The following ROBO2 variants were observed in gnomAD, a reference collection of about 807,000 sequenced individuals.
ROBO2 encodes the protein roundabout homolog 2.
A neutral mutation model predicts 160.8 loss-of-function variants in ROBO2; 53 were observed. The ratio of observed to expected loss-of-function variants is 0.33; its 90% CI spans 0.26 to 0.41. ROBO2 has a LOEUF of 0.41. Ranked by LOEUF, ROBO2 falls within the 10% of genes least tolerant of loss-of-function variation. The pLI is 1.00. For missense variants in ROBO2, 1,577 were observed against 1,722.4 expected (o/e 0.92, Z 1.49); for synonymous variants, 664 against 611.7 (o/e 1.09, Z -1.26).
chr3:76,957,698 G>A (rs2079369836), intron 2 of ROBO2, among the ~76,000 whole-genome samples: 2 of 151,948 alleles, frequency 1.3e-5, no homozygotes, highest in South Asian at 4.1e-4. Context: ...TGGCGTGGTG[G>A]CACGTGTCTG....
intron 1 of ROBO2, among the ~76,000 whole-genome samples, chr3:75,913,896 C>A (rs1455923535): frequency 1.3e-5 from 2 of 152,056 alleles, no homozygotes; most frequent in Admixed American, 6.6e-5. Flanking sequence ...AATATTTTAT[C>A]TCATGAGTTA....
chr3:77,198,960 A>T (rs2082565209), intron 2 of ROBO2, among the ~76,000 whole-genome samples: 1 of 152,170 alleles, frequency 6.6e-6, no homozygotes, highest in Non-Finnish European at 1.5e-5. Flanking sequence ...ATTTTGTAAA[A>T]ATATGCTCTA....
intron 2 of ROBO2, among the ~76,000 whole-genome samples, chr3:77,405,250 A>T (rs1229170529): frequency 6.6e-6 from 1 of 152,204 alleles, no homozygotes; most frequent in Non-Finnish European, 1.5e-5. Flanking sequence ...TGAATGTTGC[A>T]CTGATATTTA....
chr3:77,103,945 C>T (rs1037157419), intron 2 of ROBO2, among the ~76,000 whole-genome samples: 1 of 151,988 alleles, frequency 6.6e-6, no homozygotes, highest in African/African-American at 2.4e-5. Context: ...TTTATTTTGG[C>T]TGTAAATGCA....
intron 2 of ROBO2, among the ~76,000 whole-genome samples, chr3:76,949,002 C>T (rs1315449717): frequency 2.7e-5 from 4 of 146,670 alleles, no homozygotes; most frequent in Middle Eastern, 3.6e-3. Context: ...CCACCCGCCT[C>T]GGCCTCCCAA....
chr3:76,164,861 G>A (rs1037534021), intron 2 of ROBO2, among the ~76,000 whole-genome samples: 2 of 34,720 alleles, frequency 5.8e-5, no homozygotes, highest in Non-Finnish European at 1.7e-4. Context: ...GGCCTGGCTG[G>A]GACTGCCCCG....
In ROBO2 at chr3:76,615,705, T is replaced by G. The variant is rs529843012; in HGVS notation, c.110-482309T>G. Among the ~76,000 whole-genome samples the G allele has an allele frequency of 1.4e-4, 21 of 152,324 alleles. 1 individual carries two copies. In the South Asian group the frequency reaches 3.9e-3, roughly 29 times the overall value. ...TTCACCTTGTTAATGCCTTTATACTTCATAATCTCACAATAATTCAGTTAA... is the reference window on the plus strand; with the variant it reads ...TTCACCTTGTTAATGCCTTTATACTGCATAATCTCACAATAATTCAGTTAA... On this transcript the variant is annotated intron_variant, in intron 2 of 26. Coordinates refer to the ROBO2 transcript ENST00000487694.
At chr3:76,250,476 C>T (rs757808385) in intron 2 of ROBO2, among the ~76,000 whole-genome samples, 96 of 151,942 alleles carry the variant, frequency 6.3e-4, no homozygotes, top group Non-Finnish European at 1.3e-4. Flanking sequence ...AAGTGTTGTC[C>T]GTGCATAAGT....
chr3:76,744,476 C>T (rs748279352), intron 2 of ROBO2, among the ~76,000 whole-genome samples: 1 of 152,144 alleles, frequency 6.6e-6, no homozygotes, highest in Non-Finnish European at 1.5e-5. Flanking sequence ...CCTCCCACCT[C>T]AGCCTCCTGA....
chr3:76,378,468 A>T (rs2076457098), intron 2 of ROBO2, among the ~76,000 whole-genome samples: 1 of 152,200 alleles, frequency 6.6e-6, no homozygotes, highest in South Asian at 2.1e-4. Context: ...TATTTAAGAA[A>T]CGTTCGACGA....
At chr3:76,223,172 G>T (rs966233364) in intron 2 of ROBO2, among the ~76,000 whole-genome samples, 8 of 151,726 alleles carry the variant, frequency 5.3e-5, no homozygotes, top group Admixed American at 3.9e-4. Flanking sequence ...CATGAATTAT[G>T]CTTCGTTTAT....
At chr3:76,168,249 T>C (rs763848931) in intron 2 of ROBO2, among the ~76,000 whole-genome samples, 3 of 152,178 alleles carry the variant, frequency 2.0e-5, no homozygotes, top group African/African-American at 4.8e-5. Context: ...ACATGATACC[T>C]CTACCCTTAT....
chr3:77,240,453 G>T (rs2088855333), intron 2 of ROBO2, among the ~76,000 whole-genome samples: 1 of 152,266 alleles, frequency 6.6e-6, no homozygotes, highest in East Asian at 1.9e-4. Flanking sequence ...CCGGGTTCCT[G>T]CCCGCGCCTC....
At chr3:75,944,637 G>T (rs75938242) in intron 2 of ROBO2, among the ~76,000 whole-genome samples, 1 of 152,086 alleles carries the variant, frequency 6.6e-6, no homozygotes, top group African/African-American at 2.4e-5. Context: ...TATCTTGTCT[G>T]AAAGTGTTTT....
At chr3:76,206,420 A>G (rs1395560574) in intron 2 of ROBO2, among the ~76,000 whole-genome samples, 2 of 152,114 alleles carry the variant, frequency 1.3e-5, no homozygotes, top group Admixed American at 1.3e-4. Context: ...TAATTATCAT[A>G]AGCAATTTCT....
intron 2 of ROBO2, among the ~76,000 whole-genome samples, chr3:77,309,894 T>C (rs994795853): frequency 1.3e-5 from 2 of 152,224 alleles, no homozygotes; most frequent in African/African-American, 2.4e-5. Context: ...TAAAATAAAT[T>C]AATGCCAAAA....
At chr3:77,531,422 A>G (rs1156763167) in intron 6 of ROBO2, among the ~76,000 whole-genome samples, 1 of 151,862 alleles carries the variant, frequency 6.6e-6, no homozygotes, top group Non-Finnish European at 1.5e-5. Context: ...TAATGTTTCA[A>G]CTGCTTAACC....
intron 2 of ROBO2, among the ~76,000 whole-genome samples, chr3:77,239,737 C>T (rs991537595): frequency 6.6e-5 from 10 of 151,762 alleles, no homozygotes; most frequent in Admixed American, 2.0e-4. Flanking sequence ...ATTACCTAGA[C>T]GCAGAGCACT....
chr3:76,176,156 T>C (rs994670046), intron 2 of ROBO2, among the ~76,000 whole-genome samples: 3 of 152,056 alleles, frequency 2.0e-5, no homozygotes, highest in Non-Finnish European at 4.4e-5. Flanking sequence ...TTTTCCCAGA[T>C]TAGTAAAATC....
Sources: gnomAD v4.1 joint callset for allele counts (sites outside exome capture counted in the v4.1 genomes callset) on GRCh38, gnomAD v4.1.1 for gene constraint, MANE v1.5 for transcripts, NCBI Gene and HGNC (gene_info 2026-07-23, HGNC 2026-07-21) for gene names.